Variants in ZIM2 observed in about 807,000 individuals in gnomAD.
The protein encoded by ZIM2 is zinc finger imprinted 2.
ZIM2 carries 14 observed loss-of-function variants against 38.6 expected under a neutral mutation model. The observed-to-expected ratio is 0.36, with a 90% CI of 0.24 to 0.57. The LOEUF (loss-of-function observed/expected upper bound fraction) is 0.57, where lower values mean the gene tolerates loss of function less well. Among genes scored for constraint, ZIM2 ranks in the 20% least tolerant of loss-of-function variants. The pLI is 0.81. For synonymous variants in ZIM2, 247 were observed against 245.8 expected, an observed-to-expected ratio of 1.00 and a Z score of -0.04; for missense variants, 680 against 695.1, an observed-to-expected ratio of 0.98 and a Z score of 0.24.
chr19:56,803,439 C>T (rs962809721), intron 9 of ZIM2, among the ~76,000 whole-genome samples: 3 of 152,218 alleles, frequency 2.0e-5, no homozygotes, highest in African/African-American at 7.2e-5. Flanking sequence ...TGAAGTTATA[C>T]AAGCCAGCGC....
At chr19:56,795,607 G>C (rs927137554) in intron 9 of ZIM2, among the ~76,000 whole-genome samples, 1 of 152,330 alleles carries the variant, frequency 6.6e-6, no homozygotes, top group Admixed American at 6.5e-5. Context: ...CAAGTGCCCT[G>C]TGAGACACGA....
At chr19:56,831,316 T>C (rs1222572512) in intron 2 of ZIM2, among the ~76,000 whole-genome samples, 1 of 152,182 alleles carries the variant, frequency 6.6e-6, no homozygotes, top group Non-Finnish European at 1.5e-5. Context: ...GGACTGGAAA[T>C]GGATTCCTTA....
chr19:56,824,557 G>T (rs1362870703), intron 3 of ZIM2, 130 bp from the exon 4 acceptor site: 2 of 1,613,988 alleles, frequency 1.2e-6, no homozygotes, highest in African/African-American at 2.7e-5. Context: ...CTCCTATGAT[G>T]ACATCCGGCT....
intron 9 of ZIM2, among the ~76,000 whole-genome samples, chr19:56,806,840 G>A (rs12982803): frequency 0.22 from 33,829 of 152,114 alleles, 4,484 homozygotes; most frequent in Admixed American, 0.32. Flanking sequence ...TGAGGATGCA[G>A]CAAGAAGTCA....
At chr19:56,812,886 A>T in intron 9 of ZIM2, 1 of 985,798 alleles carries the variant, frequency 1.0e-6, no homozygotes, top group Non-Finnish European at 1.2e-6. Context: ...AACAAACATA[A>T]CATGTGGCAA....
At chr19:56,788,091 TTGTC>T (rs1036392416) in intron 10 of ZIM2, among the ~76,000 whole-genome samples, 1 of 151,870 alleles carries the variant, frequency 6.6e-6, no homozygotes, top group Non-Finnish European at 1.5e-5. Context: ...GTTTTTTTTT[TTGTC>T]TGTATCTCCT....
At chr19:56,834,581 C>T (rs2061891766) in intron 2 of ZIM2, among the ~76,000 whole-genome samples, 1 of 152,184 alleles carries the variant, frequency 6.6e-6, no homozygotes, top group African/African-American at 2.4e-5. Flanking sequence ...TATTTCAAGT[C>T]ACATGTCAGT....
intron 2 of ZIM2, among the ~76,000 whole-genome samples, chr19:56,832,390 A>G (rs2061660058): frequency 6.6e-6 from 1 of 152,068 alleles, no homozygotes; most frequent in Admixed American, 6.5e-5. Flanking sequence ...AGAGGGGGCT[A>G]ACACGCATCA....
chr19:56,821,595 G>C (rs553704094), intron 7 of ZIM2, 56 bp downstream of exon 7: 16 of 1,595,286 alleles, frequency 1.0e-5, no homozygotes, highest in South Asian at 4.4e-5. Flanking sequence ...AAAGAAAGGC[G>C]TCTCTGCCAT....
At chr19:56,817,469 T>C in intron 9 of ZIM2, 1 of 1,613,098 alleles carries the variant, frequency 6.2e-7, no homozygotes, top group Non-Finnish European at 8.5e-7. Context: ...GATTTGGAAC[T>C]GCGTGACACA....
At chr19:56,823,777 A>C (rs2146347443) in intron 4 of ZIM2, 98 bp from the exon 5 acceptor site, 4 of 1,347,988 alleles carry the variant, frequency 3.0e-6, no homozygotes, top group Non-Finnish European at 3.2e-6. Flanking sequence ...ACAGACACAC[A>C]TGGTTGGAAT....
intron 9 of ZIM2, among the ~76,000 whole-genome samples, chr19:56,803,124 A>G (rs2047603519): frequency 6.6e-6 from 1 of 152,108 alleles, no homozygotes. Context: ...CCATACCCAG[A>G]CCCTCATAAA....
rs142060546 is a variant in ZIM2, at chr19:56,813,116, C to CA, written c.490+4629dup. The CA allele has an allele frequency of 5.8e-4, 571 of 983,664 alleles. 3 individuals carry two copies. The African/African-American group carries it at 8.8e-3, about 15-fold the overall frequency. The allele number at this position is 983,664 out of a possible 1,614,324, so 60.9% of individuals were successfully genotyped here. A position where few individuals can be genotyped will look rare whatever the true frequency, so the allele number is the denominator to read the frequency against. On this transcript the variant is annotated intron_variant, in intron 9 of 12. Coordinates refer to ENST00000629319, the MANE Select transcript of ZIM2 (RefSeq NM_001387356.1). ...AAACAATTACTCAAAAAGATATTGACAGGGTTCAAATAATGCACAATAAAT... is the reference window on the plus strand; with the variant it reads ...AAACAATTACTCAAAAAGATATTGACAAGGGTTCAAATAATGCACAATAAAT...
At chr19:56,822,666 C>T in intron 6 of ZIM2, 87 bp downstream of exon 6, 1 of 1,540,614 alleles carries the variant, frequency 6.5e-7, no homozygotes, top group East Asian at 2.4e-5. Flanking sequence ...GCAGCAGAAA[C>T]TTCGAGGCCC....
chr19:56,819,901 G>A (rs866441603), intron 7 of ZIM2, among the ~76,000 whole-genome samples: 12 of 152,170 alleles, frequency 7.9e-5, no homozygotes, highest in Admixed American at 3.9e-4. Flanking sequence ...AGAGGTACGG[G>A]TATCTGGGTT....
At chr19:56,832,117 C>A (rs2061626942) in intron 2 of ZIM2, among the ~76,000 whole-genome samples, 1 of 152,216 alleles carries the variant, frequency 6.6e-6, no homozygotes, top group South Asian at 2.1e-4. Flanking sequence ...TAACAAGTCT[C>A]TGTTTCTTTT....
At chr19:56,799,027 G>A (rs1029107734) in intron 9 of ZIM2, 14 of 152,170 alleles carry the variant, frequency 9.2e-5, no homozygotes, top group African/African-American at 3.1e-4. Context: ...GTATAAATTA[G>A]TTCTACCCTT....
chr19:56,823,964 G>C (rs1185850237), intron 4 of ZIM2, among the ~76,000 whole-genome samples: 1 of 152,150 alleles, frequency 6.6e-6, no homozygotes, highest in Admixed American at 6.5e-5. Flanking sequence ...AGGAGCCATA[G>C]GAGGTTTTCT....
intron 11 of ZIM2, among the ~76,000 whole-genome samples, chr19:56,781,373 A>G (rs549614645): frequency 3.1e-4 from 47 of 152,260 alleles, no homozygotes; most frequent in African/African-American, 1.0e-3. Context: ...CAGGTAAAAC[A>G]ATTTTGCCTC....
Sources: gnomAD v4.1 joint callset for allele counts (sites outside exome capture counted in the v4.1 genomes callset) on GRCh38, gnomAD v4.1.1 for gene constraint, MANE v1.5 for transcripts, NCBI Gene and HGNC (gene_info 2026-07-23, HGNC 2026-07-21) for gene names.